TDRD7: variants seen among roughly 807,000 people sequenced by gnomAD.
TDRD7 encodes the protein tudor domain containing 7, also known as tudor domain-containing protein 7.
A neutral mutation model predicts 109.8 loss-of-function variants in TDRD7; 47 were observed. The observed-to-expected ratio is 0.43, with a 90% CI of 0.34 to 0.55. The LOEUF is 0.55. Ranked by LOEUF, TDRD7 falls within the 20% of genes least tolerant of loss-of-function variation. The pLI is 0.03. For missense variants in TDRD7, 1,164 were observed against 1,319.2 expected, an observed-to-expected ratio of 0.88 and a Z score of 1.82; for synonymous variants, 424 against 457.3, an observed-to-expected ratio of 0.93 and a Z score of 0.93.
intron 16 of TDRD7, among the ~76,000 whole-genome samples, chr9:97,488,061 A>G (rs913768923): frequency 1.3e-5 from 2 of 152,204 alleles, no homozygotes; most frequent in African/African-American, 2.4e-5. Context: ...CAGGCATACA[A>G]TGACACTTCC....
chr9:97,439,409 C>T (rs1437052129), intron 5 of TDRD7, 91 bp downstream of exon 5: 1 of 1,052,846 alleles, frequency 9.5e-7, no homozygotes. Flanking sequence ...CTCTCACCTT[C>T]TCCTGTTTGG....
At chr9:97,473,011 A>G (rs1004296262) in intron 10 of TDRD7, among the ~76,000 whole-genome samples, 1 of 152,192 alleles carries the variant, frequency 6.6e-6, no homozygotes, top group African/African-American at 2.4e-5. Context: ...TTGACTAAAA[A>G]TGGGTAAAAT....
intron 9 of TDRD7, among the ~76,000 whole-genome samples, chr9:97,471,355 C>A (rs143669220): frequency 3.3e-5 from 5 of 152,176 alleles, no homozygotes; most frequent in African/African-American, 7.2e-5. Context: ...ATGCCTCCTT[C>A]CCAGTGGGAT....
chr9:97,472,216 A>G, intron 9 of TDRD7, 77 bp from the exon 10 acceptor site: 1 of 1,320,746 alleles, frequency 7.6e-7, no homozygotes, highest in Admixed American at 1.7e-5. Flanking sequence ...TAATGGTCAA[A>G]ACAGACACAA....
chr9:97,453,616 G>T (rs939304122), intron 6 of TDRD7, among the ~76,000 whole-genome samples: 9 of 152,036 alleles, frequency 5.9e-5, no homozygotes, highest in Non-Finnish European at 1.3e-4. Context: ...CAGTGAGTGA[G>T]CAACCCATCA....
intron 9 of TDRD7, 56 bp from the exon 10 acceptor site, chr9:97,472,237 C>T: frequency 6.9e-7 from 1 of 1,452,216 alleles, no homozygotes; most frequent in South Asian, 1.1e-5. Context: ...TCCATCTATT[C>T]ATCTTGAAAT....
chr9:97,443,027 A>G (rs1200124927), intron 6 of TDRD7, among the ~76,000 whole-genome samples: 3 of 152,058 alleles, frequency 2.0e-5, no homozygotes, highest in Admixed American at 6.5e-5. Flanking sequence ...CGAATTCCTG[A>G]CCTCAGGTGA....
At chr9:97,489,526 A>G (rs1016993041) in intron 16 of TDRD7, among the ~76,000 whole-genome samples, 1 of 151,888 alleles carries the variant, frequency 6.6e-6, no homozygotes, top group East Asian at 1.9e-4. Context: ...CTTTTACTCT[A>G]TATGTGTCTT....
At chr9:97,484,058 G>A (rs898397886) in intron 15 of TDRD7, among the ~76,000 whole-genome samples, 6 of 151,832 alleles carry the variant, frequency 4.0e-5, no homozygotes, top group Non-Finnish European at 5.9e-5. Context: ...ATTTATTTAC[G>A]GGATAGATTC....
intron 6 of TDRD7, among the ~76,000 whole-genome samples, chr9:97,454,942 TAAG>T (rs1286777555): frequency 6.6e-6 from 1 of 151,522 alleles, no homozygotes; most frequent in East Asian, 1.9e-4. Context: ...GCTAGACTAA[TAAG>T]AAGAGAGAGA....
Position 97,478,591 on chromosome 9 carries a change from T to C in TDRD7, c.2301+18T>C. 4 of 1,613,654 alleles carry C rather than the reference T, an allele frequency of 2.5e-6. No individual in the cohort carries two copies. Among genetic ancestry groups the C allele is most frequent in the East Asian group, 2.2e-5 (1 of 44,848 alleles). ...CACCTCAGGTACTATGTTACCAGCC[T>C]GGGAGATTTGCTGGAACAGATTTGG... On this transcript the variant is annotated intron_variant, in intron 13 of 16. Coordinates refer to ENST00000355295, the MANE Select transcript of TDRD7 (RefSeq NM_014290.3).
Position 97,460,594 on chromosome 9 carries a change from T to C in TDRD7, c.1272T>C (p.Asn424=). The stretch of plus-strand genomic sequence containing the variant: ...ATGCAGGGCAAGCACATGGTGATAA[T>C]GATATCAAGGCTATGGTTGAACAAG... ...QKDAGQAHGD[N]DIKAMVEQEY... is the part of the protein sequence containing the mutation. The change falls in exon 7 of 17, where the codon AAT becomes AAC. Residue 424 remains asparagine (N), a synonymous_variant. Coordinates refer to ENST00000355295, the MANE Select transcript of TDRD7 (RefSeq NM_014290.3). 1 of 1,614,198 alleles carries C rather than the reference T, an allele frequency of 6.2e-7. No homozygotes were observed. Among genetic ancestry groups the C allele is most frequent in the South Asian group, 1.1e-5 (1 of 91,086 alleles).
In TDRD7 at chr9:97,482,986, G is replaced by C. The variant is rs1370550820; in HGVS notation, c.2550G>C (p.Leu850Phe). 2 of 1,614,044 alleles carry C rather than the reference G, an allele frequency of 1.2e-6. No individual in the cohort carries two copies. The highest frequency in any genetic ancestry group is 1.7e-5 in the Admixed American group (1 of 59,982). ...GGAAGCATCAGAAGGATGTGTTTTT[G>C]AGTGCCATATCCAGTGGAGCTGACT... ...DLWKHQKDVF[L>F]SAISSGADSP... is the part of the protein sequence containing the mutation. Residue 850 changes from leucine (L) to phenylalanine (F), a missense_variant, in exon 15 of 17, where the codon TTG (leucine) becomes TTC (phenylalanine). Around this residue, in one of 5 missense-constraint regions of TDRD7, gnomAD observed 233 missense variants for 218.0 expected, o/e 1.07. Coordinates refer to ENST00000355295, the MANE Select transcript of TDRD7 (RefSeq NM_014290.3).
chr9:97,495,605 T>C (rs558230507), intron 16 of TDRD7, 58 bp from the exon 17 acceptor site: 9 of 1,507,424 alleles, frequency 6.0e-6, no homozygotes, highest in Non-Finnish European at 8.3e-6. Context: ...TCATAATGGA[T>C]CAAAGAAAAG....
rs144461979 is a variant in TDRD7, at chr9:97,478,997, A to G, written c.2301+424A>G. On this transcript the variant is annotated intron_variant, in intron 13 of 16. Coordinates refer to ENST00000355295, the MANE Select transcript of TDRD7 (RefSeq NM_014290.3). ...GGTGACTTCCCCACCATACATTTTA[A>G]TTAAAAGATGAACTTCGGCTGATCC... 8.1e-3 allele frequency among the ~76,000 whole-genome samples: 1,236 copies of G among 152,290 alleles called. 14 individuals carry two copies. The highest frequency in any genetic ancestry group is 0.027 in the African/African-American group (1,138 of 41,550).
intron 16 of TDRD7, among the ~76,000 whole-genome samples, chr9:97,489,988 TTTACTTCAC>T (rs1379911017): frequency 1.4e-5 from 2 of 138,868 alleles, no homozygotes; most frequent in Non-Finnish European, 3.3e-5. Context: ...ATTGCAGTCA[TTTACTTCAC>T]TTACATATAA....
intron 1 of TDRD7, among the ~76,000 whole-genome samples, chr9:97,414,984 C>CT (rs1000293275): frequency 1.3e-5 from 2 of 152,170 alleles, no homozygotes; most frequent in African/African-American, 4.8e-5. Flanking sequence ...CATTATGGGA[C>CT]TTTAAGTTCC....
intron 6 of TDRD7, among the ~76,000 whole-genome samples, chr9:97,442,517 G>C (rs963206733): frequency 6.6e-6 from 1 of 152,166 alleles, no homozygotes; most frequent in African/African-American, 2.4e-5. Flanking sequence ...AGTTCAGCCA[G>C]AAGTAGAGAC....
intron 12 of TDRD7, among the ~76,000 whole-genome samples, chr9:97,476,501 A>G (rs1215502530): frequency 2.0e-5 from 3 of 149,514 alleles, no homozygotes; most frequent in African/African-American, 4.9e-5. Context: ...GGATCACTTG[A>G]TGTCAGGAGT....
Sources: gnomAD v4.1 joint callset for allele counts (sites outside exome capture counted in the v4.1 genomes callset) on GRCh38, gnomAD v4.1.1 for gene constraint, gnomAD v4.1.1 regional missense constraint, MANE v1.5 for transcripts, NCBI Gene and HGNC (gene_info 2026-07-23, HGNC 2026-07-21) for gene names.